Variants in KIAA1217 observed in about 807,000 individuals in gnomAD.
KIAA1217 encodes the protein sickle tail protein homolog.
A neutral mutation model predicts 163.9 loss-of-function variants in KIAA1217; 88 were observed. That is an observed-to-expected ratio of 0.54 (90% confidence interval 0.45 to 0.64). KIAA1217 has a LOEUF of 0.64. Among genes scored for constraint, KIAA1217 ranks in the 30% least tolerant of loss-of-function variants. KIAA1217 has a pLI of 0.00. For missense variants in KIAA1217, 2,372 were observed against 2,475.0 expected, an observed-to-expected ratio of 0.96 and a Z score of 0.88; for synonymous variants, 903 against 923.1, an observed-to-expected ratio of 0.98 and a Z score of 0.39.
chr10:24,036,775 G>A (rs890936693), intron 2 of KIAA1217, among the ~76,000 whole-genome samples: 3 of 152,094 alleles, frequency 2.0e-5, no homozygotes, highest in African/African-American at 7.2e-5. Context: ...CACGAGGACC[G>A]CAACAAGCCA....
chr10:23,705,698 T>C (rs954014407), intron 1 of KIAA1217, among the ~76,000 whole-genome samples: 2 of 152,220 alleles, frequency 1.3e-5, no homozygotes, highest in African/African-American at 4.8e-5. Flanking sequence ...GTTCTTATTT[T>C]TTAAGATTGT....
chr10:24,376,401 G>A (rs186897312), intron 2 of KIAA1217, among the ~76,000 whole-genome samples: 7 of 152,288 alleles, frequency 4.6e-5, no homozygotes, highest in South Asian at 4.1e-4. Context: ...GTGACTCAAC[G>A]AGGTTATATG....
intron 2 of KIAA1217, among the ~76,000 whole-genome samples, chr10:24,142,840 G>T (rs2064144728): frequency 6.6e-6 from 1 of 152,096 alleles, no homozygotes; most frequent in South Asian, 2.1e-4. Flanking sequence ...GACAAAATCT[G>T]AGTATTGTTC....
intron 2 of KIAA1217, among the ~76,000 whole-genome samples, chr10:24,222,486 G>C (rs2130901013): frequency 6.6e-6 from 1 of 152,218 alleles, no homozygotes; most frequent in African/African-American, 2.4e-5. Flanking sequence ...CAAGAATTTT[G>C]TTTGTTTGTT....
rs1225573608 is a variant in KIAA1217 at position 24,389,407 on chromosome 10, G to C, written c.553+8340G>C. 3.3e-5 allele frequency among the ~76,000 whole-genome samples: 5 copies of C among 152,200 alleles called. No individual in the cohort carries two copies. The South Asian group carries it at 8.3e-4, about 25-fold the overall frequency. ...CACACACTGGGGCCTGTGGTGGGGT[G>C]GGGGAATGGGGGAGGGATAGCATTA... On this transcript the variant is annotated intron_variant, in intron 3 of 20. Transcript: ENST00000376454.
Position 23,782,077 on chromosome 10 carries a change from A to AT in KIAA1217, c.-321+86852dup, listed in dbSNP as rs773643434. On this transcript the variant is annotated intron_variant, in intron 1 of 18. Coordinates refer to the KIAA1217 transcript ENST00000376462. ...TAGTTCTATATGAATTAAAAAAAAA[A>AT]TTTTTTTTTCTATTTTCATGAAGAA... Among the ~76,000 whole-genome samples the AT allele has an allele frequency of 1.3e-3, 192 of 149,856 alleles. 3 individuals are homozygous for AT. The East Asian group carries it at 0.03, about 23-fold the overall frequency.
At chr10:24,089,317 A>G (rs1330304605) in intron 2 of KIAA1217, among the ~76,000 whole-genome samples, 1 of 124,866 alleles carries the variant, frequency 8.0e-6, no homozygotes, top group African/African-American at 2.5e-5. Flanking sequence ...CCATTTGTCA[A>G]TTTTGGCTTT....
At chr10:23,845,190 A>G (rs564683941) in intron 1 of KIAA1217, among the ~76,000 whole-genome samples, 1 of 152,326 alleles carries the variant, frequency 6.6e-6, no homozygotes, top group African/African-American at 2.4e-5. Context: ...CAGTGCTGCA[A>G]TAAACATACA....
At chr10:23,730,037 G>A (rs958509325) in intron 1 of KIAA1217, among the ~76,000 whole-genome samples, 4 of 152,038 alleles carry the variant, frequency 2.6e-5, no homozygotes, top group African/African-American at 9.7e-5. Flanking sequence ...AAGTAGGTGG[G>A]ACAACAGGCG....
At chr10:23,821,253 G>C (rs796759172) in intron 1 of KIAA1217, among the ~76,000 whole-genome samples, 1 of 152,118 alleles carries the variant, frequency 6.6e-6, no homozygotes, top group Non-Finnish European at 1.5e-5. Context: ...TGTGTTTTAA[G>C]TGTCAGTTCC....
intron 1 of KIAA1217, among the ~76,000 whole-genome samples, chr10:23,930,778 C>G (rs1843223186): frequency 6.6e-6 from 1 of 152,166 alleles, no homozygotes; most frequent in Non-Finnish European, 1.5e-5. Flanking sequence ...TAAGTTAACT[C>G]AGTGGGAACA....
intron 2 of KIAA1217, among the ~76,000 whole-genome samples, chr10:24,242,763 T>G (rs903000268): frequency 6.6e-6 from 1 of 152,180 alleles, no homozygotes; most frequent in African/African-American, 2.4e-5. Flanking sequence ...TTTTTTGACT[T>G]TTTAATAACA....
At chr10:24,079,176 A>C (rs921678563) in intron 2 of KIAA1217, among the ~76,000 whole-genome samples, 1 of 152,238 alleles carries the variant, frequency 6.6e-6, no homozygotes, top group Non-Finnish European at 1.5e-5. Context: ...CACAATGTGC[A>C]GGGATTATGG....
intron 1 of KIAA1217, among the ~76,000 whole-genome samples, chr10:23,984,701 G>A (rs1414495864): frequency 6.6e-6 from 1 of 151,716 alleles, no homozygotes; most frequent in South Asian, 2.1e-4. Flanking sequence ...TCATAAGTGG[G>A]AGTTGAACAT....
At chr10:23,797,413 A>T (rs1836257545) in intron 1 of KIAA1217, among the ~76,000 whole-genome samples, 1 of 152,196 alleles carries the variant, frequency 6.6e-6, no homozygotes, top group African/African-American at 2.4e-5. Context: ...CACAGTCATT[A>T]TGTCCAATTT....
chr10:23,762,870 A>G (rs914586787), intron 1 of KIAA1217, among the ~76,000 whole-genome samples: 1 of 152,196 alleles, frequency 6.6e-6, no homozygotes, highest in Admixed American at 6.5e-5. Context: ...AGAAAACCCC[A>G]TCATCTCAGC....
chr10:24,068,085 G>A (rs1435872020), intron 2 of KIAA1217, among the ~76,000 whole-genome samples: 2 of 152,218 alleles, frequency 1.3e-5, no homozygotes, highest in African/African-American at 2.4e-5. Flanking sequence ...GACCCCTTGT[G>A]CTTCCCGGGT....
intron 2 of KIAA1217, among the ~76,000 whole-genome samples, chr10:24,190,232 T>G (rs2066653498): frequency 6.6e-6 from 1 of 152,050 alleles, no homozygotes; most frequent in South Asian, 2.1e-4. Flanking sequence ...GAGAATTCCT[T>G]TATGGCTGGC....
intron 2 of KIAA1217, among the ~76,000 whole-genome samples, chr10:24,360,090 A>G (rs1429002653): frequency 8.7e-6 from 1 of 114,936 alleles, no homozygotes; most frequent in Non-Finnish European, 1.6e-5. Context: ...TCTGTCGCCC[A>G]GGCCGGAGTA....
Sources: allele counts gnomAD v4.1 joint callset (sites outside exome capture counted in the v4.1 genomes callset), GRCh38; gene constraint gnomAD v4.1.1; transcripts MANE v1.5; gene names NCBI Gene and HGNC (gene_info 2026-07-23, HGNC 2026-07-21).